The following PHACTR1 variants were observed in gnomAD, a reference collection of about 807,000 sequenced individuals.
PHACTR1 encodes the protein RPEL repeat containing 1.
PHACTR1 carries 16 observed loss-of-function variants against 69.2 expected under a neutral mutation model. That is an observed-to-expected ratio of 0.23 (90% CI 0.16 to 0.35). The LOEUF (loss-of-function observed/expected upper bound fraction) is 0.35. PHACTR1 is among the 10% of genes least tolerant of loss of function. The probability of loss-of-function intolerance (pLI) is 1.00; values close to 1 mark genes in which losing one functional copy is unlikely to be tolerated. For synonymous variants in PHACTR1, 312 were observed against 284.5 expected, an observed-to-expected ratio of 1.10 and a Z score of -0.97; for missense variants, 510 against 734.7, an observed-to-expected ratio of 0.69 and a Z score of 3.54.
chr6:13,279,326 A>T (rs1401011452), intron 12 of PHACTR1: 1 of 152,162 alleles, frequency 6.6e-6, no homozygotes, highest in East Asian at 1.9e-4. Context: ...TTAATTGATG[A>T]CATGCAAGAT....
intron 7 of PHACTR1, among the ~76,000 whole-genome samples, chr6:13,205,478 A>G (rs1765770795): frequency 6.6e-6 from 1 of 152,200 alleles, no homozygotes; most frequent in Non-Finnish European, 1.5e-5. Context: ...TTGACAGTCC[A>G]TGGGTGTCCA....
chr6:13,043,531 G>A (rs1224951292), intron 4 of PHACTR1, among the ~76,000 whole-genome samples: 4 of 152,216 alleles, frequency 2.6e-5, no homozygotes, highest in African/African-American at 9.6e-5. Flanking sequence ...CCAGATGCTT[G>A]TTTTTATAAA....
chr6:13,153,563 A>G (rs1757758987), intron 5 of PHACTR1, among the ~76,000 whole-genome samples: 1 of 152,234 alleles, frequency 6.6e-6, no homozygotes, highest in Admixed American at 6.5e-5. Flanking sequence ...AGATGTTTCT[A>G]GAAGTAGTCT....
chr6:12,721,281 G>T (rs1762093571), intron 3 of PHACTR1, among the ~76,000 whole-genome samples: 3 of 152,080 alleles, frequency 2.0e-5, no homozygotes, highest in Admixed American at 2.0e-4. Context: ...CTACTCGGGA[G>T]GCTAAGGTAG....
At chr6:12,831,535 GC>G (rs1015945291) in intron 4 of PHACTR1, among the ~76,000 whole-genome samples, 8 of 152,074 alleles carry the variant, frequency 5.3e-5, no homozygotes, top group African/African-American at 1.9e-4. Flanking sequence ...TCAGAAGTCT[GC>G]CCCCTTGTTT....
At chr6:13,286,954 C>T (rs759996092) in intron 14 of PHACTR1, 109 bp from the exon 15 acceptor site, 21 of 1,205,374 alleles carry the variant, frequency 1.7e-5, no homozygotes, top group Middle Eastern at 3.8e-4. Flanking sequence ...GTGGGAAGCT[C>T]GCACCTCCCT....
In PHACTR1 at chr6:12,816,325, C is replaced by T. The variant is rs114187996; in HGVS notation, c.250+66535C>T. On this transcript the variant is annotated intron_variant, in intron 4 of 14. Transcript: ENST00000332995. ...GATGTCATCTCTTAAACATTTTATC[C>T]GTCTCTTAATCTGAAGTTCTCTCTA... Among the ~76,000 whole-genome samples the T allele has an allele frequency of 2.8e-3, 426 of 152,266 alleles. 2 individuals are homozygous for T. The highest frequency in any genetic ancestry group is 3.1e-3 in the Non-Finnish European group (212 of 68,014).
At chr6:13,177,707 T>C (rs544143721) in intron 6 of PHACTR1, among the ~76,000 whole-genome samples, 15 of 152,332 alleles carry the variant, frequency 9.8e-5, no homozygotes, top group African/African-American at 3.4e-4. Context: ...AAACCATTTT[T>C]TTAAGCCACT....
In PHACTR1 at chr6:12,963,385, C is replaced by T. The variant is rs569355198; in HGVS notation, c.251-89980C>T. On this transcript the variant is annotated intron_variant, in intron 4 of 14. Coordinates refer to ENST00000332995, the MANE Select transcript of PHACTR1 (RefSeq NM_030948.6). ...GTTCCCTGGTAGCAGCCTGGATCCT[C>T]CATTCAAACAGGAAAATGCAACATA... 4.6e-5 allele frequency among the ~76,000 whole-genome samples: 7 copies of T among 152,118 alleles called. No homozygotes were observed. The South Asian group carries it at 1.5e-3, about 32-fold the overall frequency.
At chr6:12,784,213 T>C (rs920124495) in intron 4 of PHACTR1, among the ~76,000 whole-genome samples, 3 of 151,922 alleles carry the variant, frequency 2.0e-5, no homozygotes, top group African/African-American at 7.3e-5. Context: ...TATACACACA[T>C]ATACATGATG....
intron 4 of PHACTR1, among the ~76,000 whole-genome samples, chr6:12,977,250 C>T (rs1314507578): frequency 6.6e-6 from 1 of 152,062 alleles, no homozygotes. Flanking sequence ...CCGCGCCTGG[C>T]CAAAAATGAT....
At chr6:12,742,287 C>G (rs1765153757) in intron 3 of PHACTR1, among the ~76,000 whole-genome samples, 1 of 152,060 alleles carries the variant, frequency 6.6e-6, no homozygotes, top group Admixed American at 6.5e-5. Flanking sequence ...GCTTAGGGTT[C>G]CTCCCCCTTT....
intron 5 of PHACTR1, among the ~76,000 whole-genome samples, chr6:13,092,440 CAGTCTAATGGTAA>C (rs1241797902): frequency 6.6e-6 from 1 of 152,104 alleles, no homozygotes; most frequent in African/African-American, 2.4e-5. Flanking sequence ...AAGTAGCTTC[CAGTCTAATGGTAA>C]AGAATCATTT....
intron 6 of PHACTR1, among the ~76,000 whole-genome samples, chr6:13,182,214 C>G (rs1383645341): frequency 6.6e-6 from 1 of 152,118 alleles, no homozygotes; most frequent in Non-Finnish European, 1.5e-5. Context: ...GCCTGGGCAA[C>G]AAGAGTGAAA....
At chr6:13,242,171 C>T (rs1163111330) in intron 10 of PHACTR1, among the ~76,000 whole-genome samples, 3 of 152,146 alleles carry the variant, frequency 2.0e-5, no homozygotes, top group African/African-American at 4.8e-5. Context: ...AGCCTTGATC[C>T]GTCAGATAGC....
intron 5 of PHACTR1, among the ~76,000 whole-genome samples, chr6:13,128,077 A>G (rs1470583607): frequency 6.7e-6 from 1 of 150,098 alleles, no homozygotes; most frequent in African/African-American, 2.5e-5. Context: ...GTCACTTGCT[A>G]TCATGAGAAC....
At chr6:12,830,099 A>AAG in intron 4 of PHACTR1, among the ~76,000 whole-genome samples, 1 of 19,170 alleles carries the variant, frequency 5.2e-5, no homozygotes, top group Non-Finnish European at 1.8e-4. Context: ...GAGGGAAAGA[A>AAG]AGAAAGAAAG....
intron 4 of PHACTR1, among the ~76,000 whole-genome samples, chr6:12,782,376 G>T (rs905705038): frequency 6.6e-6 from 1 of 152,168 alleles, no homozygotes; most frequent in Admixed American, 6.5e-5. Flanking sequence ...CGACTTGTCA[G>T]TTACCTTAAC....
chr6:12,816,789 GA>G lies in PHACTR1; in HGVS notation c.250+67000del, dbSNP rs146622281. ...GTTGACAAGTGTCAAAAGAATTCAG[GA>G]GTCCCATTTTGAGGAAGATGACCAA... On this transcript the variant is annotated intron_variant, in intron 4 of 14. Coordinates refer to ENST00000332995, the MANE Select transcript of PHACTR1 (RefSeq NM_030948.6). Among the ~76,000 whole-genome samples, 592 of 152,290 alleles carry G rather than the reference GA, an allele frequency of 3.9e-3. 2 individuals carry two copies. Among genetic ancestry groups the G allele is most frequent in the African/African-American group, 0.014 (573 of 41,544 alleles).
Sources: gnomAD v4.1 joint callset for allele counts (sites outside exome capture counted in the v4.1 genomes callset) on GRCh38, gnomAD v4.1.1 for gene constraint, MANE v1.5 for transcripts, NCBI Gene and HGNC (gene_info 2026-07-23, HGNC 2026-07-21) for gene names.